SLC39A11: variants seen among roughly 807,000 people sequenced by gnomAD.
SLC39A11 encodes zinc transporter ZIP11.
A neutral mutation model predicts 36.1 loss-of-function variants in SLC39A11; 33 were observed. That is an observed-to-expected ratio of 0.91 (90% confidence interval 0.69 to 1.22). The LOEUF is 1.22. SLC39A11 is among the 50% of genes most tolerant of loss of function. The pLI, the probability that SLC39A11 is intolerant of heterozygous loss-of-function variation, is 0.00. For synonymous variants in SLC39A11, 166 were observed against 170.3 expected, an observed-to-expected ratio of 0.97 and a Z score of 0.20; for missense variants, 432 against 430.3, an observed-to-expected ratio of 1.00 and a Z score of -0.03.
Position 72,904,155 on chromosome 17 carries a change from G to A in SLC39A11, c.430+43597C>T, listed in dbSNP as rs568456458. On this transcript the variant is annotated intron_variant, in intron 5 of 9. Coordinates refer to ENST00000255559, the MANE Select transcript of SLC39A11 (RefSeq NM_139177.4). ...CCCTCAAAAGCGGTGAGCCCAAGCC[G>A]GGCGCGGTGGCACACACGTGCAGTC... Among the ~76,000 whole-genome samples the A allele has an allele frequency of 1.3e-4, 20 of 152,304 alleles. No homozygotes were observed. The South Asian group carries it at 2.5e-3, about 19-fold the overall frequency.
intron 6 of SLC39A11, among the ~76,000 whole-genome samples, chr17:72,811,197 C>G (rs1018300633): frequency 6.6e-6 from 1 of 152,056 alleles, no homozygotes; most frequent in African/African-American, 2.4e-5. Flanking sequence ...GATTCATTGT[C>G]TGGGAGGGTG....
intron 8 of SLC39A11, 104 bp downstream of exon 8, chr17:72,649,066 A>G (rs2069723437): frequency 6.5e-7 from 1 of 1,537,610 alleles, no homozygotes; most frequent in South Asian, 1.2e-5. Flanking sequence ...ATGCCATTCT[A>G]CGTCATATCT....
At chr17:72,905,144 G>GC (rs1167873307) in intron 5 of SLC39A11, among the ~76,000 whole-genome samples, 1 of 127,276 alleles carries the variant, frequency 7.9e-6, no homozygotes, top group African/African-American at 3.1e-5. Context: ...CTGCACTCCA[G>GC]CCTGGGCAAC....
intron 5 of SLC39A11, among the ~76,000 whole-genome samples, chr17:72,870,643 C>T (rs1414171470): frequency 1.3e-5 from 2 of 152,258 alleles, no homozygotes; most frequent in African/African-American, 4.8e-5. Flanking sequence ...CCTCTACAGG[C>T]CACGCTCTCC....
intron 3 of SLC39A11, among the ~76,000 whole-genome samples, chr17:73,052,897 C>T (rs908563406): frequency 7.2e-5 from 11 of 152,304 alleles, no homozygotes; most frequent in African/African-American, 2.6e-4. Flanking sequence ...GACAAGGTTT[C>T]ACCATGTTGG....
rs563150873 is a variant in SLC39A11 at position 73,074,983 on chromosome 17, G to C, written c.147+9825C>G. On this transcript the variant is annotated intron_variant, in intron 3 of 9. Coordinates refer to ENST00000255559, the MANE Select transcript of SLC39A11 (RefSeq NM_139177.4). The stretch of plus-strand genomic sequence containing the variant: ...GCACTGATACAGAGATTCCTAGTTG[G>C]TTCAAGACTTGCCAAAGAGACACAG... Among the ~76,000 whole-genome samples, 7 of 152,234 alleles carry C rather than the reference G, an allele frequency of 4.6e-5. No homozygotes were observed. In the East Asian group the frequency reaches 7.7e-4, roughly 17 times the overall value.
At chr17:72,900,149 AAAGAAAAG>A (rs200261461) in intron 5 of SLC39A11, among the ~76,000 whole-genome samples, 8,556 of 114,014 alleles carry the variant, frequency 0.075, 1,158 homozygotes, top group African/African-American at 0.1. Flanking sequence ...AAAAAGAAAG[AAAGAAAAG>A]AAAGAAAGAA....
chr17:73,046,253 G>C (rs959589306), intron 3 of SLC39A11, among the ~76,000 whole-genome samples: 7 of 152,298 alleles, frequency 4.6e-5, no homozygotes, highest in Admixed American at 3.3e-4. Flanking sequence ...AAAGAAAGAT[G>C]CTCCTCCTTG....
At chr17:72,978,217 C>CCTTCCTCTTCCTCTTCCT (rs1555661262) in intron 4 of SLC39A11, among the ~76,000 whole-genome samples, 3 of 138,262 alleles carry the variant, frequency 2.2e-5, no homozygotes, top group Non-Finnish European at 3.3e-5. Flanking sequence ...CCTCTTCCTT[C>CCTTCCTCTTCCTCTTCCT]CTTCCTTCCT....
intron 7 of SLC39A11, among the ~76,000 whole-genome samples, chr17:72,687,704 G>C (rs1032404809): frequency 6.6e-6 from 1 of 152,202 alleles, no homozygotes; most frequent in African/African-American, 2.4e-5. Flanking sequence ...CATGGAGTAG[G>C]GAAGGTCCAT....
At chr17:73,091,524 C>T (rs946855598) in intron 1 of SLC39A11, among the ~76,000 whole-genome samples, 1 of 152,132 alleles carries the variant, frequency 6.6e-6, no homozygotes, top group Non-Finnish European at 1.5e-5. Flanking sequence ...AGTTCTCCTG[C>T]CCCATGTGGG....
intron 6 of SLC39A11, among the ~76,000 whole-genome samples, chr17:72,765,759 T>C (rs1398643630): frequency 6.6e-6 from 1 of 152,230 alleles, no homozygotes; most frequent in Non-Finnish European, 1.5e-5. Flanking sequence ...CAACATGTTT[T>C]GTCAGTTTCA....
intron 6 of SLC39A11, among the ~76,000 whole-genome samples, chr17:72,836,299 CAG>C (rs2078540977): frequency 6.6e-6 from 1 of 151,744 alleles, no homozygotes; most frequent in African/African-American, 2.4e-5. Flanking sequence ...CACACGGAGA[CAG>C]AGTGTGAGTT....
chr17:72,877,930 T>C (rs1478960269), intron 5 of SLC39A11, among the ~76,000 whole-genome samples: 1 of 151,352 alleles, frequency 6.6e-6, no homozygotes, highest in Non-Finnish European at 1.5e-5. Context: ...TAACTCATCA[T>C]TTAGCGTTAA....
At chr17:72,868,867 C>T (rs1370524598) in intron 5 of SLC39A11, among the ~76,000 whole-genome samples, 4 of 152,038 alleles carry the variant, frequency 2.6e-5, no homozygotes, top group Admixed American at 2.0e-4. Context: ...TAGAAATGTT[C>T]GCTTTAGAGT....
At chr17:72,749,038 G>T (rs1039576315) in intron 6 of SLC39A11, among the ~76,000 whole-genome samples, 4 of 152,236 alleles carry the variant, frequency 2.6e-5, no homozygotes, top group African/African-American at 9.6e-5. Flanking sequence ...AACCAAGGGA[G>T]TTGTTAGTTT....
At chr17:72,981,366 A>C (rs923729039) in intron 4 of SLC39A11, among the ~76,000 whole-genome samples, 2 of 152,198 alleles carry the variant, frequency 1.3e-5, no homozygotes, top group Non-Finnish European at 2.9e-5. Flanking sequence ...AAAAATCCAG[A>C]AGCAAATACG....
chr17:72,706,918 C>T (rs2072915056), intron 7 of SLC39A11, among the ~76,000 whole-genome samples: 1 of 152,176 alleles, frequency 6.6e-6, no homozygotes, highest in Admixed American at 6.5e-5. Flanking sequence ...CACTTGATTC[C>T]AACGTGTAGT....
rs775004185 is a variant in SLC39A11, at chr17:72,647,053, C to T, written c.*531G>A. 6.6e-6 allele frequency: 1 copy of T among 151,952 alleles called. No homozygotes were observed. The highest frequency in any genetic ancestry group is 1.5e-5 in the Non-Finnish European group (1 of 68,092). 9.4% of individuals were successfully genotyped at this position (151,952 alleles called of 1,614,324 possible). A position where few individuals can be genotyped will look rare whatever the true frequency, so the allele number is the denominator to read the frequency against. On this transcript the variant is annotated 3_prime_UTR_variant, in exon 10 of 10. Transcript: ENST00000255559. ...GGGGGAGGTAAAGGAAGACATGCTC[C>T]TCTCTGGGCTGGCTCGGCCTTGGAA... is the stretch of plus-strand genomic sequence containing the variant.
Sources: allele counts gnomAD v4.1 joint callset (sites outside exome capture counted in the v4.1 genomes callset), GRCh38; gene constraint gnomAD v4.1.1; transcripts MANE v1.5; gene names NCBI Gene and HGNC (gene_info 2026-07-23, HGNC 2026-07-21).